Variants in CADM2 observed in about 807,000 individuals in gnomAD.
The protein encoded by CADM2 is cell adhesion molecule 2, also known as immunoglobulin superfamily member 4D.
Under a neutral mutation model 49.8 loss-of-function variants are expected in CADM2, and 12 were observed. That is an observed-to-expected ratio of 0.24 (90% confidence interval 0.15 to 0.39). The LOEUF is 0.39. CADM2 is among the 10% of genes least tolerant of loss of function. The pLI is 1.00. For missense variants in CADM2, 378 were observed against 492.3 expected (o/e 0.77, Z 2.20); for synonymous variants, 214 against 175.4 (o/e 1.22, Z -1.74).
chr3:85,456,983 T>C (rs1195986849), intron 1 of CADM2, among the ~76,000 whole-genome samples: 1 of 152,142 alleles, frequency 6.6e-6, no homozygotes, highest in Non-Finnish European at 1.5e-5. Context: ...ATTTTATTCC[T>C]GTAAAATTTT....
At chr3:85,527,086 T>C (rs569324396) in intron 1 of CADM2, among the ~76,000 whole-genome samples, 1 of 152,290 alleles carries the variant, frequency 6.6e-6, no homozygotes, top group African/African-American at 2.4e-5. Context: ...GTGCTAATTA[T>C]ATCTACAGTT....
chr3:85,504,170 C>T (rs754200626), intron 1 of CADM2, among the ~76,000 whole-genome samples: 51 of 151,970 alleles, frequency 3.4e-4, no homozygotes, highest in Non-Finnish European at 6.2e-4. Flanking sequence ...TTTCTTCCTT[C>T]TGGTGGGTTC....
At chr3:85,734,782 A>G (rs2068066431) in intron 2 of CADM2, among the ~76,000 whole-genome samples, 1 of 149,050 alleles carries the variant, frequency 6.7e-6, no homozygotes, top group Non-Finnish European at 1.5e-5. Flanking sequence ...AACTCACCAT[A>G]TGTCTCTTTC....
chr3:85,019,124 A>T, intron 1 of CADM2, among the ~76,000 whole-genome samples: 1 of 152,172 alleles, frequency 6.6e-6, no homozygotes, highest in East Asian at 1.9e-4. Flanking sequence ...AAGAAGAACA[A>T]ATTTAGGTGG....
chr3:86,056,082 G>A lies in CADM2; in HGVS notation c.971-9523G>A, dbSNP rs142340484. Among the ~76,000 whole-genome samples, 320 of 152,262 alleles carry A rather than the reference G, an allele frequency of 2.1e-3. 6 individuals carry two copies. Among genetic ancestry groups the A allele is most frequent in the Admixed American group, 0.017 (267 of 15,284 alleles). ...TATTTTCCGTTTGATCACCTAGATA[G>A]CCTTTAAAAACATCCTTTTCTTTCA... On this transcript the variant is annotated intron_variant, in intron 8 of 9. Transcript: ENST00000383699.
At chr3:85,990,304 A>C (rs1378992971) in intron 8 of CADM2, among the ~76,000 whole-genome samples, 1 of 152,182 alleles carries the variant, frequency 6.6e-6, no homozygotes, top group African/African-American at 2.4e-5. Context: ...GCTTTGGGTT[A>C]GATCATTTTG....
chr3:85,732,773 A>G (rs188565043), intron 2 of CADM2, among the ~76,000 whole-genome samples: 1 of 152,316 alleles, frequency 6.6e-6, no homozygotes, highest in Non-Finnish European at 1.5e-5. Context: ...TTTTATCGTC[A>G]TTTTCAAAAT....
chr3:85,376,075 C>A (rs546750587), intron 1 of CADM2, among the ~76,000 whole-genome samples: 1 of 151,986 alleles, frequency 6.6e-6, no homozygotes, highest in African/African-American at 2.4e-5. Context: ...ATCAATTTAA[C>A]AGATAATAAA....
chr3:85,167,747 TTATCA>T (rs1446121971), intron 1 of CADM2, among the ~76,000 whole-genome samples: 2 of 152,200 alleles, frequency 1.3e-5, no homozygotes, highest in South Asian at 2.1e-4. Flanking sequence ...AAAAACTTCC[TTATCA>T]TATAAGTAGC....
At chr3:85,299,249 C>G (rs1350531930) in intron 1 of CADM2, among the ~76,000 whole-genome samples, 1 of 151,954 alleles carries the variant, frequency 6.6e-6, no homozygotes, top group Non-Finnish European at 1.5e-5. Flanking sequence ...ACATTATAGA[C>G]CCAGTTTTTT....
At chr3:85,775,350 T>C (rs1308022685) in intron 2 of CADM2, among the ~76,000 whole-genome samples, 1 of 151,728 alleles carries the variant, frequency 6.6e-6, no homozygotes. Flanking sequence ...TGCCCTATTA[T>C]AGTATAATAA....
At chr3:85,569,774 T>TTAC (rs1193155835) in intron 1 of CADM2, among the ~76,000 whole-genome samples, 1 of 150,052 alleles carries the variant, frequency 6.7e-6, no homozygotes, top group East Asian at 2.0e-4. Flanking sequence ...AACTTAGAAG[T>TTAC]AGATTTCAGT....
intron 1 of CADM2, among the ~76,000 whole-genome samples, chr3:85,647,863 G>C (rs965633233): frequency 2.0e-5 from 3 of 151,712 alleles, no homozygotes; most frequent in Non-Finnish European, 3.0e-5. Flanking sequence ...ATAAAAGAAA[G>C]GAATTGACTT....
intron 1 of CADM2, among the ~76,000 whole-genome samples, chr3:85,307,817 A>C (rs780230794): frequency 1.7e-4 from 26 of 151,754 alleles, no homozygotes; most frequent in Non-Finnish European, 2.8e-4. Context: ...TTTAAAATTT[A>C]AGATACAAAT....
At chr3:85,724,253 G>T (rs1243074640) in intron 1 of CADM2, among the ~76,000 whole-genome samples, 1 of 151,596 alleles carries the variant, frequency 6.6e-6, no homozygotes, top group Non-Finnish European at 1.5e-5. Context: ...TCTTGTTTTA[G>T]TGATCTCTTA....
At position 86,070,349 on chromosome 3, in the gene CADM2, G is replaced by A. The variant is rs1739751427; in HGVS notation, c.*3566G>A. On this transcript the variant is annotated 3_prime_UTR_variant, in exon 10 of 10. Transcript: ENST00000383699. ...GTATAGCAGCTGTTTGACAGTGATG[G>A]CTCTTCCATGTAACATAGCAGTTAT... 1 of 151,850 alleles carries A rather than the reference G, an allele frequency of 6.6e-6. No individual in the cohort carries two copies. The highest frequency in any genetic ancestry group is 2.4e-5 in the African/African-American group (1 of 41,390). 9.4% of individuals were successfully genotyped at this position (151,850 alleles called of 1,614,324 possible).
At chr3:85,802,459 C>T (rs2072109489) in intron 3 of CADM2, among the ~76,000 whole-genome samples, 1 of 152,034 alleles carries the variant, frequency 6.6e-6, no homozygotes, top group African/African-American at 2.4e-5. Context: ...CATTTCCTGT[C>T]TAGGTACCAT....
intron 5 of CADM2, among the ~76,000 whole-genome samples, chr3:85,893,349 G>C (rs1035275103): frequency 2.0e-5 from 3 of 152,148 alleles, no homozygotes; most frequent in African/African-American, 7.2e-5. Flanking sequence ...ATTAATTCAA[G>C]ATGGATTAAG....
At chr3:85,659,705 CA>C (rs2065339599) in intron 1 of CADM2, among the ~76,000 whole-genome samples, 1 of 152,164 alleles carries the variant, frequency 6.6e-6, no homozygotes, top group Admixed American at 6.6e-5. Flanking sequence ...AAGCATTGTC[CA>C]GGCCTTAATG....
Sources: allele counts gnomAD v4.1 joint callset (sites outside exome capture counted in the v4.1 genomes callset), GRCh38; gene constraint gnomAD v4.1.1; transcripts MANE v1.5; gene names NCBI Gene and HGNC (gene_info 2026-07-23, HGNC 2026-07-21).